DNAH5: variants seen among roughly 807,000 people sequenced by gnomAD.
DNAH5 encodes the protein dynein axonemal heavy chain 5.
A neutral mutation model predicts 518.2 loss-of-function variants in DNAH5; 372 were observed. That is an observed-to-expected ratio of 0.72 (90% CI 0.66 to 0.78). The LOEUF (loss-of-function observed/expected upper bound fraction) is 0.78. Among genes scored for constraint, DNAH5 ranks in the 30% least tolerant of loss-of-function variants. The pLI is 0.00. For missense variants in DNAH5, 5,523 were observed against 5,687.0 expected (o/e 0.97, Z 0.93); for synonymous variants, 2,039 against 2,025.9 (o/e 1.01, Z -0.17).
At chr5:13,999,027 A>G (rs187244781) in intron 1 of DNAH5, among the ~76,000 whole-genome samples, 95 of 152,198 alleles carry the variant, frequency 6.2e-4, no homozygotes, top group Admixed American at 1.8e-3. Context: ...ATGCGCCACC[A>G]TGCCCAGCTA....
At chr5:13,775,941 T>TA (rs1754021604) in intron 55 of DNAH5, among the ~76,000 whole-genome samples, 1 of 138,502 alleles carries the variant, frequency 7.2e-6, no homozygotes, top group African/African-American at 2.7e-5. Flanking sequence ...TCTTTTAAAA[T>TA]ATCAACAGAC....
intron 55 of DNAH5, among the ~76,000 whole-genome samples, chr5:13,771,981 T>C (rs1285132165): frequency 1.1e-4 from 17 of 152,202 alleles, no homozygotes; most frequent in Admixed American, 1.1e-3. Context: ...ATGTAAATAA[T>C]AGAGACAATT....
At position 13,712,909 on chromosome 5, in the gene DNAH5, T is replaced by C. The variant is rs185952628; in HGVS notation, c.13125+1496A>G. 6.0e-4 allele frequency among the ~76,000 whole-genome samples: 92 copies of C among 152,188 alleles called. 1 individual carries two copies. Among genetic ancestry groups the C allele is most frequent in the Middle Eastern group, 3.4e-3 (1 of 294 alleles). Reference sequence around the variant, plus strand: ...CTAGAACAGCCACTATGGAAAACAGTGTGAAGATTCCTTTAAAAAGTAGAA... The same window carrying C: ...CTAGAACAGCCACTATGGAAAACAGCGTGAAGATTCCTTTAAAAAGTAGAA... On this transcript the variant is annotated intron_variant, in intron 75 of 78. Transcript: ENST00000265104.
intron 49 of DNAH5, among the ~76,000 whole-genome samples, chr5:13,793,300 A>G (rs896933586): frequency 1.3e-5 from 2 of 152,212 alleles, no homozygotes; most frequent in African/African-American, 4.8e-5. Flanking sequence ...AAAGAAAACC[A>G]TAAATGGAAA....
intron 29 of DNAH5, among the ~76,000 whole-genome samples, chr5:13,860,906 T>C (rs909396836): frequency 6.6e-6 from 1 of 152,194 alleles, no homozygotes; most frequent in Admixed American, 6.5e-5. Flanking sequence ...TTAATTTCCA[T>C]ATTCTTAATT....
intron 2 of DNAH5, among the ~76,000 whole-genome samples, chr5:13,929,190 A>G (rs1009839670): frequency 6.6e-5 from 10 of 152,224 alleles, no homozygotes; most frequent in African/African-American, 2.2e-4. Context: ...TACAACATGG[A>G]TGAACCTTGC....
chr5:13,836,329 T>G (rs1040899060), intron 35 of DNAH5, among the ~76,000 whole-genome samples: 2 of 151,546 alleles, frequency 1.3e-5, no homozygotes, highest in Non-Finnish European at 2.9e-5. Flanking sequence ...GAGTTTGGGG[T>G]TTTTGAAGCC....
rs1491015415 is a variant in DNAH5 at position 13,989,485 on chromosome 5, T to TG, written c.12+22162_12+22163insC. 4.1e-5 allele frequency among the ~76,000 whole-genome samples: 3 copies of TG among 73,446 alleles called. No individual in the cohort carries two copies. The East Asian group carries it at 4.0e-3, about 97-fold the overall frequency. The allele number at this position is 73,446 out of a possible 152,430, so 48.2% of individuals were successfully genotyped here. On this transcript the variant is annotated intron_variant, in intron 1 of 78. Transcript: ENST00000681290. Reference sequence around the variant, plus strand: ...TGTGCATACATGTAGAGGGAGACTTTTTTTTTTTTTTTTTTTGAGACGGAG... The same window carrying TG: ...TGTGCATACATGTAGAGGGAGACTTTGTTTTTTTTTTTTTTTTGAGACGGAG...
chr5:13,978,178 G>C (rs982820965), intron 1 of DNAH5, among the ~76,000 whole-genome samples: 1 of 152,210 alleles, frequency 6.6e-6, no homozygotes, highest in African/African-American at 2.4e-5. Flanking sequence ...CCTCGCACCA[G>C]AGCCCAGCAC....
intron 11 of DNAH5, among the ~76,000 whole-genome samples, chr5:13,912,382 A>G (rs1247072241): frequency 6.6e-6 from 1 of 152,012 alleles, no homozygotes; most frequent in Non-Finnish European, 1.5e-5. Context: ...CTGCATAACT[A>G]CAAAATTAGT....
chr5:13,861,146 C>T (rs1335709458), intron 29 of DNAH5, among the ~76,000 whole-genome samples: 1 of 152,050 alleles, frequency 6.6e-6, no homozygotes, highest in Non-Finnish European at 1.5e-5. Flanking sequence ...GAAAAGTTTC[C>T]CCACCCCAAC....
intron 75 of DNAH5, among the ~76,000 whole-genome samples, chr5:13,709,088 C>T (rs1289899977): frequency 2.6e-5 from 4 of 152,144 alleles, no homozygotes; most frequent in Non-Finnish European, 5.9e-5. Context: ...TGATTTTTCT[C>T]CAAGCAAGTG....
intron 1 of DNAH5, among the ~76,000 whole-genome samples, chr5:14,008,930 T>C (rs1784919328): frequency 6.6e-6 from 1 of 152,224 alleles, no homozygotes; most frequent in Non-Finnish European, 1.5e-5. Flanking sequence ...GCATCGGGCC[T>C]GGCCATGGGC....
intron 65 of DNAH5, among the ~76,000 whole-genome samples, chr5:13,746,776 T>C (rs903573880): frequency 6.6e-6 from 1 of 152,114 alleles, no homozygotes; most frequent in African/African-American, 2.4e-5. Flanking sequence ...CCATTTTCTT[T>C]TACCCTTGGC....
chr5:14,010,029 A>G (rs1159365586), intron 1 of DNAH5, among the ~76,000 whole-genome samples: 1 of 152,132 alleles, frequency 6.6e-6, no homozygotes, highest in Non-Finnish European at 1.5e-5. Context: ...ATCAGTATCA[A>G]TATTTTGGTG....
At chr5:13,737,538 T>C in intron 65 of DNAH5, 43 bp from the exon 66 acceptor site, 1 of 1,595,986 alleles carries the variant, frequency 6.3e-7, no homozygotes, top group Non-Finnish European at 8.6e-7. Context: ...AATTAACAAC[T>C]CTTGTTGAGT....
At chr5:13,900,918 G>T (rs1466609914) in intron 14 of DNAH5, among the ~76,000 whole-genome samples, 1 of 152,170 alleles carries the variant, frequency 6.6e-6, no homozygotes, top group African/African-American at 2.4e-5. Flanking sequence ...TAACAGATGT[G>T]CTAGTGTTTA....
At chr5:13,982,193 C>T (rs1215018750) in intron 1 of DNAH5, among the ~76,000 whole-genome samples, 1 of 152,262 alleles carries the variant, frequency 6.6e-6, no homozygotes, top group East Asian at 1.9e-4. Context: ...TGACAATAAA[C>T]TTTCAATTTT....
At chr5:14,010,607 G>A (rs567278547) in intron 1 of DNAH5, among the ~76,000 whole-genome samples, 1 of 152,198 alleles carries the variant, frequency 6.6e-6, no homozygotes, top group African/African-American at 2.4e-5. Flanking sequence ...AAGAGCTAAC[G>A]AGTATGTCTT....
Sources: gnomAD v4.1 joint callset for allele counts (sites outside exome capture counted in the v4.1 genomes callset) on GRCh38, gnomAD v4.1.1 for gene constraint, MANE v1.5 for transcripts, NCBI Gene and HGNC (gene_info 2026-07-23, HGNC 2026-07-21) for gene names.